Variants in NKAIN2 observed in about 807,000 individuals in gnomAD.
The protein encoded by NKAIN2 is sodium/potassium transporting ATPase interacting 2, also known as sodium/potassium-transporting ATPase subunit beta-1-interacting protein 2.
In NKAIN2, 14 loss-of-function variants were observed where a neutral mutation model predicts 32.6. The ratio of observed to expected loss-of-function variants is 0.43; its 90% CI spans 0.28 to 0.67. The LOEUF (loss-of-function observed/expected upper bound fraction) is 0.67, where lower values mean the gene tolerates loss of function less well. NKAIN2 is among the 30% of genes least tolerant of loss of function. NKAIN2 has a pLI of 0.17. For missense variants in NKAIN2, 198 were observed against 258.3 expected (o/e 0.77, Z 1.60); for synonymous variants, 80 against 87.2 (o/e 0.92, Z 0.46).
chr6:124,421,345 C>T (rs7743955), intron 3 of NKAIN2, among the ~76,000 whole-genome samples: 1,930 of 152,196 alleles, frequency 0.013, 36 homozygotes, highest in African/African-American at 0.045. Flanking sequence ...GTGTATTAAC[C>T]TCCAAGTAAG....
chr6:124,271,007 A>G (rs778841399), intron 1 of NKAIN2, among the ~76,000 whole-genome samples: 1 of 152,122 alleles, frequency 6.6e-6, no homozygotes, highest in Admixed American at 6.5e-5. Flanking sequence ...ATCAGAGATG[A>G]TTGGATCCTG....
chr6:124,228,619 C>G (rs912505955), intron 1 of NKAIN2, among the ~76,000 whole-genome samples: 1 of 152,128 alleles, frequency 6.6e-6, no homozygotes, highest in Non-Finnish European at 1.5e-5. Context: ...TAACCATTGT[C>G]CATGGTAGTG....
rs200108912 is a variant in NKAIN2 at position 124,379,018 on chromosome 6, G to GGA, written c.273+23673_273+23674dup. ...GCTGTGGGAGGATGACCTGGGCCCAGGAGTTTGAGGTTGCAGTGAGCCAAG... is the reference window on the plus strand; with the variant it reads ...GCTGTGGGAGGATGACCTGGGCCCAGGAGAGTTTGAGGTTGCAGTGAGCCAAG... On this transcript the variant is annotated intron_variant, in intron 3 of 6. Coordinates refer to ENST00000368417, the MANE Select transcript of NKAIN2 (RefSeq NM_001040214.3). 4.1e-3 allele frequency among the ~76,000 whole-genome samples: 609 copies of GGA among 148,378 alleles called. 3 individuals carry two copies. Among genetic ancestry groups the GGA allele is most frequent in the African/African-American group, 0.014 (576 of 40,030 alleles).
intron 1 of NKAIN2, among the ~76,000 whole-genome samples, chr6:124,235,480 A>G (rs2114751054): frequency 6.6e-6 from 1 of 152,292 alleles, no homozygotes; most frequent in South Asian, 2.1e-4. Context: ...CTAATAAGGA[A>G]CATAACTTAT....
chr6:124,001,492 A>T (rs917134913), intron 1 of NKAIN2, among the ~76,000 whole-genome samples: 5 of 152,020 alleles, frequency 3.3e-5, no homozygotes, highest in African/African-American at 1.2e-4. Context: ...ATCTGTCTGC[A>T]TAACAGAGTA....
At chr6:124,602,852 T>A (rs1782362074) in intron 3 of NKAIN2, among the ~76,000 whole-genome samples, 2 of 151,868 alleles carry the variant, frequency 1.3e-5, no homozygotes, top group Non-Finnish European at 2.9e-5. Flanking sequence ...CCCCCTTGCA[T>A]CCCCACTATG....
chr6:124,711,796 T>G (rs1464256854), intron 4 of NKAIN2, among the ~76,000 whole-genome samples: 1 of 152,196 alleles, frequency 6.6e-6, no homozygotes, highest in African/African-American at 2.4e-5. Context: ...AATTTGATTG[T>G]CTGAAGCCTT....
At chr6:124,209,380 A>G (rs1167544535) in intron 1 of NKAIN2, among the ~76,000 whole-genome samples, 2 of 151,666 alleles carry the variant, frequency 1.3e-5, no homozygotes, top group African/African-American at 4.8e-5. Flanking sequence ...ACTTAAATTG[A>G]TTCCTATTGT....
intron 3 of NKAIN2, among the ~76,000 whole-genome samples, chr6:124,544,041 A>C (rs1434459098): frequency 1.3e-5 from 2 of 152,124 alleles, no homozygotes; most frequent in African/African-American, 2.4e-5. Flanking sequence ...TCATGTTAGA[A>C]TCTGTCAAAT....
intron 1 of NKAIN2, among the ~76,000 whole-genome samples, chr6:124,110,032 C>A (rs901898051): frequency 1.3e-5 from 2 of 151,822 alleles, no homozygotes; most frequent in Non-Finnish European, 2.9e-5. Context: ...GCATCTATAT[C>A]CATCATAGAT....
chr6:124,790,198 C>T (rs1779683239), intron 4 of NKAIN2, among the ~76,000 whole-genome samples: 1 of 152,092 alleles, frequency 6.6e-6, no homozygotes, highest in Admixed American at 6.6e-5. Flanking sequence ...TCACCAGAGG[C>T]CACTTTGTCT....
intron 2 of NKAIN2, among the ~76,000 whole-genome samples, chr6:124,326,152 T>C (rs1219353165): frequency 4.0e-5 from 6 of 151,728 alleles, no homozygotes; most frequent in Non-Finnish European, 8.8e-5. Flanking sequence ...TGAAGGATTT[T>C]TTTTTTCGTC....
In NKAIN2 at chr6:123,806,657, A is replaced by G. The variant is rs111879642; in HGVS notation, c.54+2403A>G. ...ATAAACCAGGTTTCTAGACTAAGTT[A>G]TGACTCATGTACCATTGACTGAAAT... is the stretch of plus-strand genomic sequence containing the variant. On this transcript the variant is annotated intron_variant, in intron 1 of 6. Transcript: ENST00000368417. Among the ~76,000 whole-genome samples the G allele has an allele frequency of 5.6e-3, 848 of 152,174 alleles. 11 individuals are homozygous for G. The highest frequency in any genetic ancestry group is 0.02 in the African/African-American group (816 of 41,570).
chr6:124,028,887 GT>G (rs1781265346), intron 1 of NKAIN2, among the ~76,000 whole-genome samples: 2 of 44,726 alleles, frequency 4.5e-5, no homozygotes, highest in East Asian at 1.2e-3. Flanking sequence ...ATATATATGT[GT>G]ATATATATAT....
chr6:124,013,010 CT>C (rs1293791480), intron 1 of NKAIN2, among the ~76,000 whole-genome samples: 1 of 152,114 alleles, frequency 6.6e-6, no homozygotes, highest in Non-Finnish European at 1.5e-5. Flanking sequence ...GCTCAGTCTC[CT>C]TAATTTTAGC....
At chr6:124,566,464 T>C (rs1403964946) in intron 3 of NKAIN2, among the ~76,000 whole-genome samples, 1 of 152,168 alleles carries the variant, frequency 6.6e-6, no homozygotes, top group African/African-American at 2.4e-5. Flanking sequence ...CATGAGTCAG[T>C]GAATGGATTG....
At chr6:124,228,447 G>C (rs138397697) in intron 1 of NKAIN2, among the ~76,000 whole-genome samples, 1 of 152,098 alleles carries the variant, frequency 6.6e-6, no homozygotes, top group East Asian at 1.9e-4. Flanking sequence ...TGTTTGTAAG[G>C]CATCCAGGCT....
At chr6:123,998,624 C>T (rs1391486852) in intron 1 of NKAIN2, among the ~76,000 whole-genome samples, 1 of 151,930 alleles carries the variant, frequency 6.6e-6, no homozygotes, top group Non-Finnish European at 1.5e-5. Context: ...CTGCTGTGAA[C>T]AGGGGAGTAC....
intron 1 of NKAIN2, among the ~76,000 whole-genome samples, chr6:123,999,569 T>C (rs1012037091): frequency 1.3e-5 from 2 of 152,214 alleles, no homozygotes; most frequent in South Asian, 2.1e-4. Flanking sequence ...GATTTAAGTA[T>C]AACTTTTCAC....
Sources: gnomAD v4.1 joint callset for allele counts (sites outside exome capture counted in the v4.1 genomes callset) on GRCh38, gnomAD v4.1.1 for gene constraint, MANE v1.5 for transcripts, NCBI Gene and HGNC (gene_info 2026-07-23, HGNC 2026-07-21) for gene names.